FAM149B1: variants seen among roughly 807,000 people sequenced by gnomAD.
FAM149B1 encodes the protein family with sequence similarity 149 member B1.
In FAM149B1, 56 loss-of-function variants were observed where a neutral mutation model predicts 75.3. The observed-to-expected ratio is 0.74, with a 90% CI of 0.60 to 0.93. FAM149B1 has a LOEUF of 0.93. FAM149B1 is among the 40% of genes least tolerant of loss of function. The probability of loss-of-function intolerance (pLI) is 0.00; values close to 1 mark genes in which losing one functional copy is unlikely to be tolerated. For missense variants in FAM149B1, 639 were observed against 708.4 expected, an observed-to-expected ratio of 0.90 and a Z score of 1.11; for synonymous variants, 259 against 256.1, an observed-to-expected ratio of 1.01 and a Z score of -0.11.
intron 7 of FAM149B1, among the ~76,000 whole-genome samples, chr10:73,211,173 A>G (rs1205476342): frequency 2.0e-5 from 3 of 152,138 alleles, no homozygotes; most frequent in Non-Finnish European, 4.4e-5. Flanking sequence ...TAGGATTTTT[A>G]TGGAGGTTTC....
At chr10:73,197,874 C>G (rs1446610429) in intron 5 of FAM149B1, among the ~76,000 whole-genome samples, 4 of 152,120 alleles carry the variant, frequency 2.6e-5, no homozygotes, top group Non-Finnish European at 5.9e-5. Flanking sequence ...ACATTTCCAC[C>G]TGAGAAAAAC....
intron 5 of FAM149B1, among the ~76,000 whole-genome samples, chr10:73,196,254 A>G (rs1291590377): frequency 6.6e-6 from 1 of 152,122 alleles, no homozygotes; most frequent in Non-Finnish European, 1.5e-5. Context: ...AGGCTAATAC[A>G]GTAGTATTAA....
chr10:73,236,858 G>C (rs1244558989), intron 12 of FAM149B1, among the ~76,000 whole-genome samples: 3 of 152,046 alleles, frequency 2.0e-5, no homozygotes, highest in African/African-American at 7.2e-5. Flanking sequence ...TGGGACTACA[G>C]GCACATGCCA....
Position 73,241,426 on chromosome 10 carries a change from G to GTTCA in FAM149B1, c.*410_*413dup. 5.0e-6 allele frequency: 1 copy of GTTCA among 200,280 alleles called. No individual in the cohort carries two copies. The highest frequency in any genetic ancestry group is 1.4e-4 in the East Asian group (1 of 7,346). The allele number at this position is 200,280 out of a possible 1,614,324, so 12.4% of individuals were successfully genotyped here. A position where few individuals can be genotyped will look rare whatever the true frequency, so the allele number is the denominator to read the frequency against. ...CTGGCTTCAGAATACTTCAGCCTGTGTTCATTTCTGGAGAGTTGTACTCAG... is the reference window on the plus strand; with the variant it reads ...CTGGCTTCAGAATACTTCAGCCTGTGTTCATTCATTTCTGGAGAGTTGTACTCAG... On this transcript the variant is annotated 3_prime_UTR_variant, in exon 14 of 14. Transcript: ENST00000242505.
chr10:73,198,444 A>G (rs1302207709), intron 5 of FAM149B1, among the ~76,000 whole-genome samples: 1 of 152,232 alleles, frequency 6.6e-6, no homozygotes. Context: ...ATATTTGCAA[A>G]TCATATCTGA....
chr10:73,168,445 C>G, intron 1 of FAM149B1, 59 bp downstream of exon 1: 3 of 1,535,824 alleles, frequency 2.0e-6, no homozygotes, highest in Non-Finnish European at 2.6e-6. Context: ...TGGGGACCCT[C>G]CTTGACCAGT....
At chr10:73,215,938 A>G (rs1445472462) in intron 7 of FAM149B1, among the ~76,000 whole-genome samples, 2 of 152,194 alleles carry the variant, frequency 1.3e-5, no homozygotes, top group African/African-American at 4.8e-5. Context: ...CTAAAGTCCA[A>G]TGTATGTCCA....
chr10:73,210,487 TA>T, intron 7 of FAM149B1, 49 bp downstream of exon 7: 1 of 1,347,976 alleles, frequency 7.4e-7, no homozygotes, highest in Non-Finnish European at 1.0e-6. Flanking sequence ...TTATGATTTC[TA>T]AACCCTAACC....
chr10:73,240,805 T>C (rs2043932629), intron 13 of FAM149B1, 141 bp from the exon 14 acceptor site: 2 of 592,364 alleles, frequency 3.4e-6, no homozygotes, highest in Admixed American at 2.7e-5. Flanking sequence ...ATTAGTGGGC[T>C]CTTCTACAAA....
At position 73,182,829 on chromosome 10, in the gene FAM149B1, G is replaced by A. The variant is rs189509102; in HGVS notation, c.282+4854G>A. On this transcript the variant is annotated intron_variant, in intron 3 of 13. Transcript: ENST00000242505. ...ATAAATTCCTGACCCACATAAACCC[G>A]GAGAGATAATACATGATTATTGTTG... Among the ~76,000 whole-genome samples the A allele has an allele frequency of 1.8e-4, 27 of 152,238 alleles. No homozygotes were observed. In the East Asian group the frequency reaches 2.5e-3, roughly 14 times the overall value.
chr10:73,208,507 C>T (rs2043116644), intron 5 of FAM149B1, 112 bp from the exon 6 acceptor site: 5 of 637,426 alleles, frequency 7.8e-6, no homozygotes, highest in Non-Finnish European at 1.1e-5. Flanking sequence ...GAATAGTCCA[C>T]GAAGGTATTG....
At chr10:73,210,201 C>T (rs1235588251) in intron 6 of FAM149B1, 50 bp from the exon 7 acceptor site, 1 of 1,300,532 alleles carries the variant, frequency 7.7e-7, no homozygotes, top group South Asian at 1.4e-5. Flanking sequence ...TTTAGAAAGG[C>T]AGCCTTCCCT....
At chr10:73,191,805 CA>C (rs2042691421) in intron 3 of FAM149B1, among the ~76,000 whole-genome samples, 1 of 152,084 alleles carries the variant, frequency 6.6e-6, no homozygotes, top group African/African-American at 2.4e-5. Flanking sequence ...GGTGGAATTA[CA>C]GGTAATTTTT....
At chr10:73,168,661 G>C (rs1490877639) in intron 1 of FAM149B1, among the ~76,000 whole-genome samples, 2 of 152,198 alleles carry the variant, frequency 1.3e-5, no homozygotes, top group Non-Finnish European at 2.9e-5. Context: ...TAATGGCCAT[G>C]GTAGCTCGAG....
At chr10:73,205,627 C>T (rs527866523) in intron 5 of FAM149B1, among the ~76,000 whole-genome samples, 18 of 152,194 alleles carry the variant, frequency 1.2e-4, no homozygotes, top group Non-Finnish European at 2.4e-4. Context: ...GATCTAGACT[C>T]ACCACAACCT....
chr10:73,222,506 C>T (rs1244667813), intron 7 of FAM149B1, among the ~76,000 whole-genome samples: 2 of 152,112 alleles, frequency 1.3e-5, no homozygotes, highest in African/African-American at 2.4e-5. Context: ...ATGCCCCACC[C>T]TCTGCAGATA....
Position 73,220,675 on chromosome 10 carries a change from G to A in FAM149B1, c.899-7385G>A, listed in dbSNP as rs1387244698. On this transcript the variant is annotated intron_variant, in intron 7 of 13. Transcript: ENST00000242505. Reference sequence around the variant, plus strand: ...TAATTCAGGTTCTGAGGTAATAAGAGTGGGCTCCTAATCCAATAGGGCTGG... The same window carrying A: ...TAATTCAGGTTCTGAGGTAATAAGAATGGGCTCCTAATCCAATAGGGCTGG... 2.6e-5 allele frequency among the ~76,000 whole-genome samples: 4 copies of A among 152,164 alleles called. No individual in the cohort carries two copies. The East Asian group carries it at 7.7e-4, about 29-fold the overall frequency.
chr10:73,241,048 A>AG lies in FAM149B1; in HGVS notation c.*31dup. 1 of 1,230,604 alleles carries AG rather than the reference A, an allele frequency of 8.1e-7. No homozygotes were observed. The highest frequency in any genetic ancestry group is 1.2e-6 in the Non-Finnish European group (1 of 858,816). The allele number at this position is 1,230,604 out of a possible 1,614,324, so 76.2% of individuals were successfully genotyped here. A position where few individuals can be genotyped will look rare whatever the true frequency, so the allele number is the denominator to read the frequency against. On this transcript the variant is annotated 3_prime_UTR_variant, in exon 14 of 14. Transcript: ENST00000242505. ...AAATGAGAAGAATCTATCAGGCTGCAGGAAACACGAGATTTCATGAAGCAG... is the reference window on the plus strand; with the variant it reads ...AAATGAGAAGAATCTATCAGGCTGCAGGGAAACACGAGATTTCATGAAGCAG...
chr10:73,207,635 T>C (rs2043097519), intron 5 of FAM149B1, among the ~76,000 whole-genome samples: 1 of 152,124 alleles, frequency 6.6e-6, no homozygotes, highest in Non-Finnish European at 1.5e-5. Flanking sequence ...GAGAGCAACC[T>C]TGGGAGCTGA....
Sources: allele counts gnomAD v4.1 joint callset (sites outside exome capture counted in the v4.1 genomes callset), GRCh38; gene constraint gnomAD v4.1.1; transcripts MANE v1.5; gene names NCBI Gene and HGNC (gene_info 2026-07-23, HGNC 2026-07-21).